AGBL4: variants seen among roughly 807,000 people sequenced by gnomAD.
The protein encoded by AGBL4 is cytosolic carboxypeptidase 6.
Under a neutral mutation model 66.4 loss-of-function variants are expected in AGBL4, and 58 were observed. The observed-to-expected ratio is 0.87, with a 90% CI of 0.71 to 1.09. The LOEUF (loss-of-function observed/expected upper bound fraction) is 1.09. Among genes scored for constraint, AGBL4 ranks in the 50% least tolerant of loss-of-function variants. AGBL4 has a pLI of 0.00. For synonymous variants in AGBL4, 234 were observed against 222.9 expected (o/e 1.05, Z -0.44); for missense variants, 579 against 631.0 (o/e 0.92, Z 0.88).
At chr1:48,602,598 T>C (rs1396702987) in intron 9 of AGBL4, among the ~76,000 whole-genome samples, 1 of 152,108 alleles carries the variant, frequency 6.6e-6, no homozygotes, top group African/African-American at 2.4e-5. Context: ...CTTGGCAGAG[T>C]GCACATCACT....
At chr1:48,890,009 T>TGTGC (rs1383214586) in intron 5 of AGBL4, among the ~76,000 whole-genome samples, 3 of 151,858 alleles carry the variant, frequency 2.0e-5, no homozygotes, top group African/African-American at 7.3e-5. Flanking sequence ...TGTGTGTGTG[T>TGTGC]GTGTGTGTGC....
chr1:49,995,419 C>T, intron 1 of AGBL4: 1 of 391,666 alleles, frequency 2.6e-6, no homozygotes, highest in Admixed American at 2.8e-5. Context: ...GAAGAGGCAG[C>T]CATAATCCCC....
chr1:49,516,192 T>TGTGAG (rs1373438849), intron 3 of AGBL4, among the ~76,000 whole-genome samples: 1 of 151,972 alleles, frequency 6.6e-6, no homozygotes, highest in Non-Finnish European at 1.5e-5. Context: ...ACAGTGTCCT[T>TGTGAG]ATCTCCAAGG....
chr1:48,786,714 A>T (rs2148724483), intron 6 of AGBL4, among the ~76,000 whole-genome samples: 1 of 152,298 alleles, frequency 6.6e-6, no homozygotes. Flanking sequence ...GTTGAAGCAG[A>T]TTTCTACTGG....
chr1:48,570,189 A>G (rs1193817695), intron 11 of AGBL4, among the ~76,000 whole-genome samples: 1 of 152,262 alleles, frequency 6.6e-6, no homozygotes, highest in Non-Finnish European at 1.5e-5. Context: ...CTTTCAACAG[A>G]GCCCAGTAAC....
intron 3 of AGBL4, among the ~76,000 whole-genome samples, chr1:49,682,662 G>A (rs1357739664): frequency 3.9e-5 from 6 of 152,194 alleles, no homozygotes; most frequent in African/African-American, 1.4e-4. Context: ...TCATGGGTGT[G>A]TGACCTGTGC....
intron 9 of AGBL4, among the ~76,000 whole-genome samples, chr1:48,612,160 G>T (rs1204176869): frequency 6.6e-6 from 1 of 152,204 alleles, no homozygotes; most frequent in East Asian, 1.9e-4. Context: ...CTGCCTGGTT[G>T]GACAGAATAT....
chr1:49,238,638 C>T (rs1042384045), intron 4 of AGBL4, among the ~76,000 whole-genome samples: 1 of 152,162 alleles, frequency 6.6e-6, no homozygotes, highest in African/African-American at 2.4e-5. Flanking sequence ...TCTATGCTTC[C>T]TACTAGCCCT....
At chr1:48,720,249 C>G (rs1299056444) in intron 6 of AGBL4, among the ~76,000 whole-genome samples, 1 of 152,100 alleles carries the variant, frequency 6.6e-6, no homozygotes, top group Non-Finnish European at 1.5e-5. Flanking sequence ...TGAGGCTCTA[C>G]CAGAGGTCAC....
intron 1 of AGBL4, among the ~76,000 whole-genome samples, chr1:49,948,084 A>G (rs868167282): frequency 4.3e-5 from 4 of 92,062 alleles, no homozygotes; most frequent in African/African-American, 1.4e-4. Context: ...AAATATATGT[A>G]AATATATGTA....
Position 48,810,279 on chromosome 1 carries a change from C to G in AGBL4, c.634+56912G>C, listed in dbSNP as rs189228685. ...AGTAGCCTCCACTGTTGACAGTGGG[C>G]AAGCTGAAAGGACAATGCAAATTAT... On this transcript the variant is annotated intron_variant, in intron 6 of 13. Coordinates refer to ENST00000371839, the MANE Select transcript of AGBL4 (RefSeq NM_032785.4). 1.6e-3 allele frequency among the ~76,000 whole-genome samples: 247 copies of G among 152,280 alleles called. 1 individual carries two copies. Among genetic ancestry groups the G allele is most frequent in the Non-Finnish European group, 3.0e-3 (201 of 68,022 alleles).
At chr1:49,919,526 T>G (rs1180677177) in intron 1 of AGBL4, among the ~76,000 whole-genome samples, 1 of 152,020 alleles carries the variant, frequency 6.6e-6, no homozygotes, top group Non-Finnish European at 1.5e-5. Flanking sequence ...GAATCCAACT[T>G]ACAAGGGATG....
At chr1:48,879,682 T>G (rs899016171) in intron 5 of AGBL4, among the ~76,000 whole-genome samples, 1 of 152,172 alleles carries the variant, frequency 6.6e-6, no homozygotes, top group Non-Finnish European at 1.5e-5. Flanking sequence ...TTATGTTAAC[T>G]TATCTTATCC....
At chr1:49,246,025 G>C (rs1343956545) in intron 3 of AGBL4, among the ~76,000 whole-genome samples, 161 bp from the exon 4 acceptor site, 1 of 151,924 alleles carries the variant, frequency 6.6e-6, no homozygotes, top group Non-Finnish European at 1.5e-5. Flanking sequence ...TAATGTGTTT[G>C]TGCCAGCTAA....
intron 4 of AGBL4, among the ~76,000 whole-genome samples, chr1:49,208,729 AT>A (rs1382059433): frequency 6.6e-6 from 1 of 152,126 alleles, no homozygotes; most frequent in African/African-American, 2.4e-5. Context: ...AAATATATTT[AT>A]TTAAAGCTAT....
At chr1:49,940,541 G>A (rs905917811) in intron 1 of AGBL4, among the ~76,000 whole-genome samples, 1 of 152,176 alleles carries the variant, frequency 6.6e-6, no homozygotes, top group African/African-American at 2.4e-5. Flanking sequence ...ATGAGTTCAT[G>A]TCCTTTGTAG....
intron 3 of AGBL4, among the ~76,000 whole-genome samples, chr1:49,559,064 G>A (rs764381824): frequency 3.3e-5 from 5 of 152,112 alleles, no homozygotes; most frequent in Non-Finnish European, 7.4e-5. Context: ...CACATGCCAC[G>A]TATAGAGCCC....
chr1:48,666,899 C>T (rs1000260200), intron 6 of AGBL4, among the ~76,000 whole-genome samples: 1 of 152,178 alleles, frequency 6.6e-6, no homozygotes, highest in African/African-American at 2.4e-5. Context: ...CTCAAAGCAA[C>T]CCAATGAAAT....
At chr1:48,888,475 T>C (rs1650591114) in intron 5 of AGBL4, among the ~76,000 whole-genome samples, 1 of 152,154 alleles carries the variant, frequency 6.6e-6, no homozygotes, top group Admixed American at 6.5e-5. Context: ...TATGTTCAGT[T>C]AGAGGCACAA....
Sources: gnomAD v4.1 joint callset for allele counts (sites outside exome capture counted in the v4.1 genomes callset) on GRCh38, gnomAD v4.1.1 for gene constraint, MANE v1.5 for transcripts, NCBI Gene and HGNC (gene_info 2026-07-23, HGNC 2026-07-21) for gene names.